The following RBFA variants were observed in gnomAD, a reference collection of about 807,000 sequenced individuals.
RBFA encodes the protein ribosome binding factor A.
Under a neutral mutation model 27.9 loss-of-function variants are expected in RBFA, and 16 were observed. The observed-to-expected ratio is 0.57, with a 90% CI of 0.39 to 0.87. The LOEUF (loss-of-function observed/expected upper bound fraction) is 0.87. Among genes scored for constraint, RBFA ranks in the 40% least tolerant of loss-of-function variants. The pLI, the probability that RBFA is intolerant of heterozygous loss-of-function variation, is 0.00. For missense variants in RBFA, 456 were observed against 432.1 expected (o/e 1.06, Z -0.49); for synonymous variants, 181 against 181.0 (o/e 1.00, Z 0.00).
chr18:80,045,693 T>C (rs980454133), intron 6 of RBFA, 81 bp from the exon 7 acceptor site: 70 of 1,422,270 alleles, frequency 4.9e-5, no homozygotes, highest in Non-Finnish European at 4.4e-5. Flanking sequence ...GGAAGTGTGA[T>C]GTGCTGTTGT....
intron 6 of RBFA, 93 bp downstream of exon 6, chr18:80,044,378 C>T (rs985362527): frequency 4.1e-5 from 46 of 1,111,474 alleles, no homozygotes; most frequent in Non-Finnish European, 5.2e-5. Context: ...CGCCACATCC[C>T]GAGTAGCCTG....
rs188863168 is a variant in RBFA, at chr18:80,042,097, C to T, written c.492-38C>T. ...TGTCACGCCTCTCCACTGAGTGTCA[C>T]GGCACAGCTGTGAGGGTCTGTGCGT... On this transcript the variant is annotated intron_variant, in intron 4 of 6. Transcript: ENST00000306735. 172 of 1,473,140 alleles carry T rather than the reference C, an allele frequency of 1.2e-4. 2 individuals are homozygous for T. Among genetic ancestry groups the T allele is most frequent in the East Asian group, 8.3e-4 (36 of 43,408 alleles). The allele number at this position is 1,473,140 out of a possible 1,614,324, so 91.3% of individuals were successfully genotyped here.
rs2052066175 is a variant in RBFA at position 80,047,737 on chromosome 18, T to G, written c.*1582T>G. Among the ~76,000 whole-genome samples, 1 of 152,184 alleles carries G rather than the reference T, an allele frequency of 6.6e-6. No homozygotes were observed. Among genetic ancestry groups the G allele is most frequent in the Non-Finnish European group, 1.5e-5 (1 of 68,030 alleles). On this transcript the variant is annotated 3_prime_UTR_variant, in exon 7 of 7. Coordinates refer to ENST00000306735, the MANE Select transcript of RBFA (RefSeq NM_024805.3). ...GAGCCAGAAATTAGGTTACAAAGTG[T>G]ACACCACACATAAAGGCTGATGCCT...
chr18:80,036,317 A>G (rs1178348831), intron 1 of RBFA, among the ~76,000 whole-genome samples: 1 of 152,204 alleles, frequency 6.6e-6, no homozygotes, highest in Non-Finnish European at 1.5e-5. Flanking sequence ...GTCTATGCCT[A>G]TAACAGTATC....
At chr18:80,041,143 G>A (rs1388832492) in intron 4 of RBFA, among the ~76,000 whole-genome samples, 2 of 152,224 alleles carry the variant, frequency 1.3e-5, no homozygotes, top group African/African-American at 4.8e-5. Context: ...CCAGGGGTCT[G>A]TGAAACTGCA....
Position 80,050,372 on chromosome 18 carries a change from AG to A in RBFA, c.*4218del, listed in dbSNP as rs2052087861. Among the ~76,000 whole-genome samples the A allele has an allele frequency of 6.6e-6, 1 of 152,174 alleles. No homozygotes were observed. Among genetic ancestry groups the A allele is most frequent in the Non-Finnish European group, 1.5e-5 (1 of 68,036 alleles). ...TTATTTTTAATTATCATGGGCACAG[AG>A]TAGGTGTATATATTTGTGGGGTACA... On this transcript the variant is annotated 3_prime_UTR_variant, in exon 7 of 7. Transcript: ENST00000306735.
chr18:80,049,359 G>C lies in RBFA; in HGVS notation c.*3204G>C, dbSNP rs995039597. Among the ~76,000 whole-genome samples the C allele has an allele frequency of 5.3e-5, 8 of 151,926 alleles. No individual in the cohort carries two copies. Among genetic ancestry groups the C allele is most frequent in the Non-Finnish European group, 8.8e-5 (6 of 67,980 alleles). On this transcript the variant is annotated 3_prime_UTR_variant, in exon 7 of 7. Coordinates refer to ENST00000306735, the MANE Select transcript of RBFA (RefSeq NM_024805.3). The stretch of plus-strand genomic sequence containing the variant: ...ATGGAAGCTCACGCCCTTCTGAATG[G>C]GTCCACTCCCGGGGATTTCCATGGC...
Position 80,034,664 on chromosome 18 carries a change from G to C in RBFA, c.158+11G>C. On this transcript the variant is annotated intron_variant, in intron 1 of 6. Transcript: ENST00000306735. ...TGCCTCGAAAACCAAGTAATGCGGC[G>C]GGGGCGGTGTCCCTGGGCGCGGTAT... 1.9e-6 allele frequency: 3 copies of C among 1,607,220 alleles called. No homozygotes were observed. The highest frequency in any genetic ancestry group is 1.1e-5 in the South Asian group (1 of 90,312).
chr18:80,046,620 T>G lies in RBFA; in HGVS notation c.*465T>G, dbSNP rs1599772522. 6.6e-6 allele frequency among the ~76,000 whole-genome samples: 1 copy of G among 152,072 alleles called. No homozygotes were observed. Among genetic ancestry groups the G allele is most frequent in the African/African-American group, 2.4e-5 (1 of 41,402 alleles). On this transcript the variant is annotated 3_prime_UTR_variant, in exon 7 of 7. Transcript: ENST00000306735. ...TGGGCTGGCACGTGGCGCCGGGGGC[T>G]CCATCCCTGGGGCTGCTGGGTCGGC... is the stretch of plus-strand genomic sequence containing the variant.
At chr18:80,042,726 G>A (rs937061578) in intron 5 of RBFA, among the ~76,000 whole-genome samples, 1 of 151,772 alleles carries the variant, frequency 6.6e-6, no homozygotes, top group African/African-American at 2.4e-5. Context: ...AGCCGAGATT[G>A]TGCCACTGCA....
Position 80,048,971 on chromosome 18 carries a change from T to C in RBFA, c.*2816T>C, listed in dbSNP as rs72486315. Among the ~76,000 whole-genome samples the C allele has an allele frequency of 0.11, 16,159 of 143,892 alleles. 1,093 individuals are homozygous for C. Among genetic ancestry groups the C allele is most frequent in the East Asian group, 0.29 (1,442 of 5,040 alleles). 94.4% of individuals were successfully genotyped at this position (143,892 alleles called of 152,430 possible). A position where few individuals can be genotyped will look rare whatever the true frequency, so the allele number is the denominator to read the frequency against. Reference sequence around the variant, plus strand: ...GCTCAGTGCCTCCTAGAAAGTGGAGTGTGGGCACGTTTGTAGGGGATCCCA... The same window carrying C: ...GCTCAGTGCCTCCTAGAAAGTGGAGCGTGGGCACGTTTGTAGGGGATCCCA... On this transcript the variant is annotated 3_prime_UTR_variant, in exon 7 of 7. Coordinates refer to ENST00000306735, the MANE Select transcript of RBFA (RefSeq NM_024805.3).
chr18:80,034,494 C>T lies in RBFA; in HGVS notation c.-2C>T. 6.5e-7 allele frequency: 1 copy of T among 1,545,704 alleles called. No individual in the cohort carries two copies. The highest frequency in any genetic ancestry group is 2.6e-5 in the East Asian group (1 of 38,790). On this transcript the variant is annotated 5_prime_UTR_variant, in exon 1 of 7. Coordinates refer to ENST00000306735, the MANE Select transcript of RBFA (RefSeq NM_024805.3). ...GCTCGCTCCGGGTCCCGGCGCCGCG[C>T]CATGTGGGCTGCGGCGGGCGGGCTG...
In RBFA at chr18:80,042,139, C is replaced by G. The variant is rs1211957351; in HGVS notation, c.496C>G (p.Leu166Val). ...TCTGTGCGTTCTGTCTCCTAGGCAC[C>G]TTTTGATGTCCCAGCAGACCCTGAG... Reference protein sequence around the residue: ...LQRSAAHMRHLLMSQQTLRNV... With the variant: ...LQRSAAHMRHVLMSQQTLRNV... Residue 166 changes from leucine (L) to valine (V), a missense_variant, in exon 5 of 7, where the codon CTT becomes GTT. Coordinates refer to ENST00000306735, the MANE Select transcript of RBFA (RefSeq NM_024805.3). 1 of 1,608,370 alleles carries G rather than the reference C, an allele frequency of 6.2e-7. No individual in the cohort carries two copies. The highest frequency in any genetic ancestry group is 2.2e-5 in the East Asian group (1 of 44,568).
intron 1 of RBFA, 57 bp downstream of exon 1, chr18:80,034,710 C>G (rs773491451): frequency 2.8e-5 from 45 of 1,581,534 alleles, no homozygotes; most frequent in South Asian, 1.8e-4. Flanking sequence ...GCGGTGTCCC[C>G]GGGTTGCGGT....
In RBFA at chr18:80,035,150, C is replaced by T. The variant is rs554039410; in HGVS notation, c.158+497C>T. Reference sequence around the variant, plus strand: ...CTTTTAAAGACAGTTTTAGACCCTGCAGAAAAATTGCAAAAATAGTACCGC... The same window carrying T: ...CTTTTAAAGACAGTTTTAGACCCTGTAGAAAAATTGCAAAAATAGTACCGC... On this transcript the variant is annotated intron_variant, in intron 1 of 6. Coordinates refer to ENST00000306735, the MANE Select transcript of RBFA (RefSeq NM_024805.3). The T allele has an allele frequency of 3.6e-4, 55 of 154,826 alleles. 2 individuals carry two copies. The South Asian group carries it at 9.5e-3, about 27-fold the overall frequency. 9.6% of individuals were successfully genotyped at this position (154,826 alleles called of 1,614,324 possible). A position where few individuals can be genotyped will look rare whatever the true frequency, so the allele number is the denominator to read the frequency against.
chr18:80,044,180 C>T (rs754448411), intron 5 of RBFA, 32 bp from the exon 6 acceptor site: 5 of 1,592,884 alleles, frequency 3.1e-6, no homozygotes, highest in Non-Finnish European at 3.4e-6. Context: ...GGGGATGTGG[C>T]TAACGGGTTT....
intron 5 of RBFA, among the ~76,000 whole-genome samples, chr18:80,042,468 G>A (rs1159041311): frequency 6.6e-6 from 1 of 151,690 alleles, no homozygotes; most frequent in Non-Finnish European, 1.5e-5. Flanking sequence ...AAAAGATAAT[G>A]TACAGTTAAA....
intron 4 of RBFA, 126 bp from the exon 5 acceptor site, chr18:80,042,009 A>G: frequency 1.7e-5 from 8 of 481,422 alleles, no homozygotes; most frequent in Non-Finnish European, 2.7e-5. Flanking sequence ...TACAGGCGTG[A>G]GCCACCGCGC....
chr18:80,034,668 G>GCGGTGTCCCTGGGCGCGGT lies in RBFA; in HGVS notation c.158+16_158+34dup. On this transcript the variant is annotated intron_variant, in intron 1 of 6. Transcript: ENST00000306735. ...TCGAAAACCAAGTAATGCGGCGGGG[G>GCGGTGTCCCTGGGCGCGGT]CGGTGTCCCTGGGCGCGGTATTCCC... 5 of 1,607,054 alleles carry GCGGTGTCCCTGGGCGCGGT rather than the reference G, an allele frequency of 3.1e-6. No homozygotes were observed. The highest frequency in any genetic ancestry group is 3.4e-6 in the Non-Finnish European group (4 of 1,178,102).
Sources: allele counts gnomAD v4.1 joint callset (sites outside exome capture counted in the v4.1 genomes callset), GRCh38; gene constraint gnomAD v4.1.1; transcripts MANE v1.5; gene names NCBI Gene and HGNC (gene_info 2026-07-23, HGNC 2026-07-21).